MLLT10: variants seen among roughly 807,000 people sequenced by gnomAD.
MLLT10 encodes the protein protein AF-10.
In MLLT10, 30 loss-of-function variants were observed where a neutral mutation model predicts 129.1. The observed-to-expected ratio is 0.23, with a 90% CI of 0.17 to 0.32. MLLT10 has a LOEUF of 0.32. Among genes scored for constraint, MLLT10 ranks in the 10% least tolerant of loss-of-function variants. MLLT10 has a pLI of 1.00. For missense variants in MLLT10, 1,119 were observed against 1,268.3 expected (o/e 0.88, Z 1.79); for synonymous variants, 490 against 446.4 (o/e 1.10, Z -1.23).
intron 3 of MLLT10, among the ~76,000 whole-genome samples, chr10:21,544,094 A>G (rs1482064959): frequency 6.6e-6 from 1 of 152,174 alleles, no homozygotes; most frequent in Non-Finnish European, 1.5e-5. Flanking sequence ...TGTCACATCT[A>G]TGAGGTGGAT....
At chr10:21,710,840 A>G (rs1378359474) in intron 13 of MLLT10, among the ~76,000 whole-genome samples, 1 of 152,242 alleles carries the variant, frequency 6.6e-6, no homozygotes, top group South Asian at 2.1e-4. Flanking sequence ...TATTTACCTC[A>G]TTGAGTTCTT....
intron 3 of MLLT10, among the ~76,000 whole-genome samples, chr10:21,549,975 C>G (rs775155058): frequency 6.6e-6 from 1 of 152,154 alleles, no homozygotes; most frequent in Non-Finnish European, 1.5e-5. Context: ...CCTTGAGGCT[C>G]CACTCAACAA....
At chr10:21,733,230 C>G (rs1446647091) in intron 18 of MLLT10, 143 bp downstream of exon 18, 1 of 789,330 alleles carries the variant, frequency 1.3e-6, no homozygotes, top group Non-Finnish European at 1.9e-6. Flanking sequence ...CATAAAGAAT[C>G]CTGTTAAGTG....
chr10:21,635,312 T>G (rs1265091658), intron 8 of MLLT10, among the ~76,000 whole-genome samples: 1 of 152,214 alleles, frequency 6.6e-6, no homozygotes, highest in Non-Finnish European at 1.5e-5. Flanking sequence ...ATGGTGATGC[T>G]TTTACACTTG....
intron 2 of MLLT10, among the ~76,000 whole-genome samples, chr10:21,536,421 A>G (rs1211761120): frequency 6.6e-6 from 1 of 152,196 alleles, no homozygotes; most frequent in Non-Finnish European, 1.5e-5. Context: ...AAAATTTGAT[A>G]ATTTCTATGT....
intron 5 of MLLT10, among the ~76,000 whole-genome samples, chr10:21,611,929 T>C (rs1266916689): frequency 6.6e-6 from 1 of 152,164 alleles, no homozygotes; most frequent in East Asian, 1.9e-4. Context: ...AATACCCTGT[T>C]TCAAACCCTC....
At chr10:21,667,721 CAG>C (rs775868962) in intron 9 of MLLT10, among the ~76,000 whole-genome samples, 4 of 152,116 alleles carry the variant, frequency 2.6e-5, no homozygotes, top group Non-Finnish European at 5.9e-5. Flanking sequence ...ATGCAGATGA[CAG>C]AGCCTTGTAG....
At chr10:21,730,846 G>A in intron 16 of MLLT10, 54 bp from the exon 17 acceptor site, 1 of 1,592,732 alleles carries the variant, frequency 6.3e-7, no homozygotes, top group Non-Finnish European at 8.6e-7. Context: ...GTAAGAAACT[G>A]TACTCTCTTA....
intron 8 of MLLT10, chr10:21,625,478 C>A (rs2046341108): frequency 9.9e-7 from 1 of 1,014,228 alleles, no homozygotes; most frequent in South Asian, 1.3e-5. Flanking sequence ...TTCACAGGGT[C>A]AGCCCATTCA....
chr10:21,673,316 AAC>A (rs1564622965), intron 10 of MLLT10, 32 bp from the exon 11 acceptor site: 22 of 119,690 alleles, frequency 1.8e-4, no homozygotes, highest in East Asian at 4.1e-4. Flanking sequence ...CCCACCCCCC[AAC>A]TTTTTTTTTT....
intron 13 of MLLT10, among the ~76,000 whole-genome samples, chr10:21,709,915 A>G (rs7078496): frequency 1.3e-5 from 2 of 151,862 alleles, no homozygotes; most frequent in African/African-American, 4.8e-5. Flanking sequence ...ACACCCAGCT[A>G]ATTTTGCATT....
At chr10:21,727,781 A>G (rs973022111) in intron 15 of MLLT10, 75 bp from the exon 16 acceptor site, 3 of 1,161,376 alleles carry the variant, frequency 2.6e-6, no homozygotes, top group Non-Finnish European at 3.8e-6. Context: ...TGTTTTAGGA[A>G]AAATCAGGGC....
intron 21 of MLLT10, among the ~76,000 whole-genome samples, chr10:21,736,408 C>T (rs1044033315): frequency 1.3e-5 from 2 of 152,178 alleles, no homozygotes; most frequent in African/African-American, 4.8e-5. Flanking sequence ...CCTCAGCCTC[C>T]CGAGTAGCTG....
At chr10:21,713,551 C>G (rs1217187254) in intron 13 of MLLT10, among the ~76,000 whole-genome samples, 3 of 152,162 alleles carry the variant, frequency 2.0e-5, no homozygotes, top group Non-Finnish European at 4.4e-5. Flanking sequence ...TTAACAAAAG[C>G]CTTTTTGCTA....
At chr10:21,579,723 T>G (rs967606376) in intron 3 of MLLT10, among the ~76,000 whole-genome samples, 1 of 151,392 alleles carries the variant, frequency 6.6e-6, no homozygotes, top group Non-Finnish European at 1.5e-5. Flanking sequence ...CCACCACACC[T>G]GGCTAATTTT....
chr10:21,556,482 T>G (rs1423248351), intron 3 of MLLT10, among the ~76,000 whole-genome samples: 2 of 152,236 alleles, frequency 1.3e-5, no homozygotes, highest in African/African-American at 4.8e-5. Context: ...ATTACACTTT[T>G]ATGATTCTTG....
At chr10:21,556,215 G>A (rs551775430) in intron 3 of MLLT10, among the ~76,000 whole-genome samples, 4 of 151,836 alleles carry the variant, frequency 2.6e-5, no homozygotes, top group South Asian at 2.1e-4. Context: ...CGCCCTCCTC[G>A]GCCTCCCAAA....
At chr10:21,567,658 A>T (rs541118445) in intron 3 of MLLT10, among the ~76,000 whole-genome samples, 1 of 152,140 alleles carries the variant, frequency 6.6e-6, no homozygotes, top group African/African-American at 2.4e-5. Flanking sequence ...ATGAGGGTGG[A>T]TATCTAGGTT....
At chr10:21,557,195 GTGT>G (rs750359767) in intron 3 of MLLT10, 555 of 1,272,158 alleles carry the variant, frequency 4.4e-4, no homozygotes, top group Non-Finnish European at 5.1e-4. Flanking sequence ...AATGCCTACT[GTGT>G]TGTTATTTTT....
Sources: gnomAD v4.1 joint callset for allele counts (sites outside exome capture counted in the v4.1 genomes callset) on GRCh38, gnomAD v4.1.1 for gene constraint, MANE v1.5 for transcripts, NCBI Gene and HGNC (gene_info 2026-07-23, HGNC 2026-07-21) for gene names.